SUGCT: variants seen among roughly 807,000 people sequenced by gnomAD.
SUGCT encodes the protein succinyl-CoA:glutarate-CoA transferase.
SUGCT carries 41 observed loss-of-function variants against 55.0 expected under a neutral mutation model. That is an observed-to-expected ratio of 0.74 (90% CI 0.58 to 0.97). SUGCT has a LOEUF of 0.97. Ranked by LOEUF, SUGCT falls within the 50% of genes least tolerant of loss-of-function variation. The pLI is 0.00. For synonymous variants in SUGCT, 187 were observed against 200.4 expected (o/e 0.93, Z 0.56); for missense variants, 568 against 547.8 (o/e 1.04, Z -0.37).
intron 6 of SUGCT, among the ~76,000 whole-genome samples, chr7:40,223,731 A>T (rs537022034): frequency 6.6e-6 from 1 of 152,250 alleles, no homozygotes; most frequent in Admixed American, 6.5e-5. Flanking sequence ...TTACTATCTT[A>T]TTTACTTGAG....
chr7:40,994,343 A>G, the SUGCT span, among the ~76,000 whole-genome samples: 1 of 152,198 alleles, frequency 6.6e-6, no homozygotes, highest in South Asian at 2.1e-4. Context: ...ACAAAATCTA[A>G]TGTATGGATG....
chr7:40,478,158 T>G (rs1323867699), intron 11 of SUGCT, among the ~76,000 whole-genome samples: 2 of 152,106 alleles, frequency 1.3e-5, no homozygotes, highest in Non-Finnish European at 2.9e-5. Flanking sequence ...TACGCCACCA[T>G]GCCTGGCTAA....
chr7:40,144,527 C>T (rs988791349), intron 1 of SUGCT, among the ~76,000 whole-genome samples: 1 of 152,014 alleles, frequency 6.6e-6, no homozygotes, highest in Non-Finnish European at 1.5e-5. Flanking sequence ...AGGGTCCTTC[C>T]CAGGGTGGCT....
intron 12 of SUGCT, among the ~76,000 whole-genome samples, chr7:40,666,519 G>A (rs1263615610): frequency 7.5e-6 from 1 of 133,564 alleles, no homozygotes; most frequent in Non-Finnish European, 1.5e-5. Flanking sequence ...AAACAAGAAT[G>A]TTTTCAAAGA....
intron 9 of SUGCT, among the ~76,000 whole-genome samples, chr7:40,342,609 A>G (rs1419066785): frequency 6.6e-6 from 1 of 151,422 alleles, no homozygotes; most frequent in Non-Finnish European, 1.5e-5. Context: ...GAAGGCTCCA[A>G]TATCCTAAAA....
chr7:40,375,625 C>T (rs773726560), intron 9 of SUGCT, among the ~76,000 whole-genome samples: 1 of 152,112 alleles, frequency 6.6e-6, no homozygotes, highest in Non-Finnish European at 1.5e-5. Context: ...GAGAGATTGT[C>T]CCAGACAACC....
At chr7:40,782,035 G>A (rs1368884459) in intron 13 of SUGCT, among the ~76,000 whole-genome samples, 1 of 151,842 alleles carries the variant, frequency 6.6e-6, no homozygotes, top group African/African-American at 2.4e-5. Context: ...ATAAGATTTT[G>A]GGTAATTTTT....
At chr7:40,977,723 CTT>C in the SUGCT span, among the ~76,000 whole-genome samples, 1 of 152,240 alleles carries the variant, frequency 6.6e-6, no homozygotes, top group South Asian at 2.1e-4. Context: ...GGTTATTTTC[CTT>C]TGTCTTGTTT....
chr7:40,206,161 G>A (rs904002185), intron 6 of SUGCT, among the ~76,000 whole-genome samples: 5 of 152,120 alleles, frequency 3.3e-5, no homozygotes, highest in African/African-American at 1.2e-4. Context: ...CAAAAACCCT[G>A]TCATCAAAAC....
intron 9 of SUGCT, among the ~76,000 whole-genome samples, chr7:40,431,008 C>G (rs1787864696): frequency 6.6e-6 from 1 of 151,056 alleles, no homozygotes; most frequent in Non-Finnish European, 1.5e-5. Flanking sequence ...ATCCCAGCTA[C>G]ACAGGAGGCT....
chr7:40,401,577 C>T (rs1478435281), intron 9 of SUGCT, among the ~76,000 whole-genome samples: 3 of 152,202 alleles, frequency 2.0e-5, no homozygotes, highest in Non-Finnish European at 2.9e-5. Flanking sequence ...ACTCTGTATT[C>T]TCTGAGGTTT....
At chr7:40,805,588 G>A (rs1791049265) in intron 13 of SUGCT, among the ~76,000 whole-genome samples, 1 of 152,206 alleles carries the variant, frequency 6.6e-6, no homozygotes, top group African/African-American at 2.4e-5. Context: ...CTTGAGTTTA[G>A]TTAGAAAGCA....
At chr7:40,527,043 G>A (rs1428331385) in intron 12 of SUGCT, among the ~76,000 whole-genome samples, 4 of 151,938 alleles carry the variant, frequency 2.6e-5, no homozygotes, top group South Asian at 2.1e-4. Context: ...AAATGGCATC[G>A]CTTATAAACA....
intron 8 of SUGCT, among the ~76,000 whole-genome samples, chr7:40,275,059 C>G (rs775289773): frequency 6.6e-6 from 1 of 152,156 alleles, no homozygotes; most frequent in Non-Finnish European, 1.5e-5. Context: ...CCTTGGCCTC[C>G]CAAAGTGCTG....
At chr7:40,533,454 G>A (rs370118395) in intron 12 of SUGCT, among the ~76,000 whole-genome samples, 1 of 151,816 alleles carries the variant, frequency 6.6e-6, no homozygotes, top group African/African-American at 2.4e-5. Flanking sequence ...CCAAAATCTT[G>A]TTTTATGTTT....
At chr7:40,826,576 C>A (rs1451255611) in intron 13 of SUGCT, among the ~76,000 whole-genome samples, 1 of 152,216 alleles carries the variant, frequency 6.6e-6, no homozygotes, top group Non-Finnish European at 1.5e-5. Context: ...CTGGGCCTCA[C>A]AACCAAAGCC....
intron 1 of SUGCT, among the ~76,000 whole-genome samples, chr7:40,162,563 A>C (rs1784229685): frequency 6.6e-6 from 1 of 152,154 alleles, no homozygotes; most frequent in Admixed American, 6.5e-5. Context: ...TGCAGCCTTG[A>C]CCTGCTGGGC....
intron 9 of SUGCT, among the ~76,000 whole-genome samples, chr7:40,319,968 C>T (rs1340608655): frequency 6.6e-6 from 1 of 151,704 alleles, no homozygotes; most frequent in Non-Finnish European, 1.5e-5. Context: ...ACTACAGGTA[C>T]CAGCCACAGT....
chr7:40,954,170 C>A, the SUGCT span, among the ~76,000 whole-genome samples: 5 of 152,228 alleles, frequency 3.3e-5, no homozygotes, highest in Non-Finnish European at 7.3e-5. Context: ...CCTCCCCCAG[C>A]CTTGCTGCTG....
Sources: gnomAD v4.1 joint callset for allele counts (sites outside exome capture counted in the v4.1 genomes callset) on GRCh38, gnomAD v4.1.1 for gene constraint, MANE v1.5 for transcripts, NCBI Gene and HGNC (gene_info 2026-07-23, HGNC 2026-07-21) for gene names.